FBXL7: variants seen among roughly 807,000 people sequenced by gnomAD.
The protein encoded by FBXL7 is F-box/LRR-repeat protein 7.
A neutral mutation model predicts 38.3 loss-of-function variants in FBXL7; 12 were observed. The observed-to-expected ratio is 0.31, with a 90% CI of 0.20 to 0.51. The LOEUF (loss-of-function observed/expected upper bound fraction) is 0.51, where lower values mean the gene tolerates loss of function less well. FBXL7 is among the 20% of genes least tolerant of loss of function. The pLI is 0.98. For synonymous variants in FBXL7, 297 were observed against 300.9 expected, an observed-to-expected ratio of 0.99 and a Z score of 0.13; for missense variants, 567 against 676.4, an observed-to-expected ratio of 0.84 and a Z score of 1.79.
intron 2 of FBXL7, among the ~76,000 whole-genome samples, chr5:15,621,743 C>G (rs1300510749): frequency 6.6e-6 from 1 of 152,154 alleles, no homozygotes; most frequent in Non-Finnish European, 1.5e-5. Flanking sequence ...GCCAGCTGTT[C>G]TTTAAGTAGG....
chr5:15,694,655 T>C (rs1404224416), intron 2 of FBXL7, among the ~76,000 whole-genome samples: 1 of 135,220 alleles, frequency 7.4e-6, no homozygotes, highest in Non-Finnish European at 1.7e-5. Flanking sequence ...TATTCTGTCA[T>C]TTTGACACCT....
intron 2 of FBXL7, among the ~76,000 whole-genome samples, chr5:15,671,963 A>G (rs1042600411): frequency 6.6e-6 from 1 of 152,228 alleles, no homozygotes; most frequent in African/African-American, 2.4e-5. Flanking sequence ...TAAATGTTAA[A>G]CATAAATGTT....
intron 2 of FBXL7, among the ~76,000 whole-genome samples, chr5:15,893,023 G>A (rs1344646492): frequency 6.6e-6 from 1 of 152,002 alleles, no homozygotes; most frequent in Non-Finnish European, 1.5e-5. Context: ...GGCTGAGACA[G>A]GAGAATGGCG....
At chr5:15,537,949 C>T (rs1201493663) in intron 1 of FBXL7, among the ~76,000 whole-genome samples, 20 of 152,154 alleles carry the variant, frequency 1.3e-4, no homozygotes, top group Admixed American at 1.3e-3. Context: ...AGAGAGCTGT[C>T]ATGAAAGACC....
At chr5:15,902,610 CAT>C (rs1019309119) in intron 2 of FBXL7, among the ~76,000 whole-genome samples, 2 of 152,240 alleles carry the variant, frequency 1.3e-5, no homozygotes, top group African/African-American at 4.8e-5. Flanking sequence ...AAAATTTGCC[CAT>C]GTTTGTGTGT....
At chr5:15,838,343 C>T (rs1299190931) in intron 2 of FBXL7, among the ~76,000 whole-genome samples, 3 of 152,124 alleles carry the variant, frequency 2.0e-5, no homozygotes. Context: ...AGATGGCCAT[C>T]ATCTCATTGT....
chr5:15,837,622 A>G (rs946788847), intron 2 of FBXL7, among the ~76,000 whole-genome samples: 9 of 152,206 alleles, frequency 5.9e-5, no homozygotes, highest in African/African-American at 1.9e-4. Context: ...CATTTAGACC[A>G]CCCTCTGTAG....
chr5:15,814,328 C>G (rs1269793647), intron 2 of FBXL7, among the ~76,000 whole-genome samples: 1 of 152,068 alleles, frequency 6.6e-6, no homozygotes, highest in Non-Finnish European at 1.5e-5. Context: ...GACACAGAAA[C>G]AGAAAACCAA....
rs558627111 is a variant in FBXL7, at chr5:15,501,645, T to C, written c.37+932T>C. ...GCCAGCGCTTGCAGACTGGTAGGAA[T>C]GCAGGCTAGCTATTCAGCCTGTGGC... On this transcript the variant is annotated intron_variant, in intron 1 of 3. Coordinates refer to ENST00000504595, the MANE Select transcript of FBXL7 (RefSeq NM_012304.5). 9.3e-5 allele frequency: 92 copies of C among 985,506 alleles called. 1 individual carries two copies. The South Asian group carries it at 4.1e-3, about 44-fold the overall frequency. The allele number at this position is 985,506 out of a possible 1,614,324, so 61.0% of individuals were successfully genotyped here. A position where few individuals can be genotyped will look rare whatever the true frequency, so the allele number is the denominator to read the frequency against.
At chr5:15,822,453 A>C (rs1229318641) in intron 2 of FBXL7, among the ~76,000 whole-genome samples, 2 of 152,144 alleles carry the variant, frequency 1.3e-5, no homozygotes, top group Non-Finnish European at 2.9e-5. Flanking sequence ...GGGCAGCTTG[A>C]CCAGCCTTTC....
intron 2 of FBXL7, among the ~76,000 whole-genome samples, chr5:15,786,684 T>C (rs1364573249): frequency 6.6e-6 from 1 of 152,218 alleles, no homozygotes; most frequent in Non-Finnish European, 1.5e-5. Context: ...AAACCTGTGC[T>C]CAAAGGTATT....
At chr5:15,819,981 G>C (rs2126762955) in intron 2 of FBXL7, among the ~76,000 whole-genome samples, 1 of 152,276 alleles carries the variant, frequency 6.6e-6, no homozygotes, top group African/African-American at 2.4e-5. Flanking sequence ...ACAATATTGG[G>C]AGGCCAGGCT....
chr5:15,567,701 T>C (rs1432066849), intron 1 of FBXL7, among the ~76,000 whole-genome samples: 2 of 151,990 alleles, frequency 1.3e-5, no homozygotes, highest in African/African-American at 4.8e-5. Flanking sequence ...ACCCATTAAC[T>C]CATCATTTAA....
intron 1 of FBXL7, among the ~76,000 whole-genome samples, chr5:15,569,883 G>A (rs1738712782): frequency 6.6e-6 from 1 of 152,140 alleles, no homozygotes; most frequent in African/African-American, 2.4e-5. Flanking sequence ...TTTGTATGCT[G>A]GACTACATTT....
chr5:15,875,628 A>G (rs1276361313), intron 2 of FBXL7, among the ~76,000 whole-genome samples: 1 of 152,232 alleles, frequency 6.6e-6, no homozygotes, highest in African/African-American at 2.4e-5. Flanking sequence ...GAAGACATTT[A>G]TACGGCCAGC....
chr5:15,897,573 G>A (rs1282336573), intron 2 of FBXL7, among the ~76,000 whole-genome samples: 1 of 152,172 alleles, frequency 6.6e-6, no homozygotes, highest in African/African-American at 2.4e-5. Flanking sequence ...GATGTGAAAA[G>A]ATTTTAAAGT....
intron 1 of FBXL7, among the ~76,000 whole-genome samples, chr5:15,505,933 A>G (rs757375931): frequency 2.0e-5 from 3 of 152,132 alleles, no homozygotes; most frequent in Non-Finnish European, 2.9e-5. Context: ...GTTTCTGTCC[A>G]TTTCTTCAAC....
chr5:15,833,625 C>G (rs770616310), intron 2 of FBXL7, among the ~76,000 whole-genome samples: 1 of 152,156 alleles, frequency 6.6e-6, no homozygotes, highest in Non-Finnish European at 1.5e-5. Flanking sequence ...CAAGTCTTTC[C>G]AGATTTACCC....
chr5:15,572,224 A>G (rs1438305258), intron 1 of FBXL7, among the ~76,000 whole-genome samples: 1 of 152,040 alleles, frequency 6.6e-6, no homozygotes, highest in Non-Finnish European at 1.5e-5. Context: ...CAGAGTTGAA[A>G]TAATGATACT....
Sources: allele counts gnomAD v4.1 joint callset (sites outside exome capture counted in the v4.1 genomes callset), GRCh38; gene constraint gnomAD v4.1.1; transcripts MANE v1.5; gene names NCBI Gene and HGNC (gene_info 2026-07-23, HGNC 2026-07-21).